Variants in ADAM32 observed in about 807,000 individuals in gnomAD.
ADAM32 encodes ADAM metallopeptidase domain 32, also known as disintegrin and metalloproteinase domain-containing protein 32.
In ADAM32, 89 loss-of-function variants were observed where a neutral mutation model predicts 114.9. The observed-to-expected ratio is 0.77, with a 90% CI of 0.65 to 0.92. The LOEUF (loss-of-function observed/expected upper bound fraction) is 0.92, where lower values mean the gene tolerates loss of function less well. ADAM32 is among the 40% of genes least tolerant of loss of function. The pLI is 0.00. For missense variants in ADAM32, 870 were observed against 932.8 expected (o/e 0.93, Z 0.88); for synonymous variants, 285 against 307.5 (o/e 0.93, Z 0.77).
intron 11 of ADAM32, among the ~76,000 whole-genome samples, chr8:39,190,637 A>G (rs574369064): frequency 6.2e-4 from 95 of 152,314 alleles, no homozygotes; most frequent in African/African-American, 2.0e-3. Flanking sequence ...AAAATTTCCA[A>G]TGATTACTGA....
At chr8:39,269,988 CAAGAACCTCTTATA>C (rs541281448) in intron 19 of ADAM32, among the ~76,000 whole-genome samples, 2 of 152,192 alleles carry the variant, frequency 1.3e-5, no homozygotes, top group East Asian at 3.9e-4. Context: ...AGCGGAGGGG[CAAGAACCTCTTATA>C]AAACCGTCAG....
intron 9 of ADAM32, 24 bp from the exon 10 acceptor site, chr8:39,169,892 A>G: frequency 9.5e-6 from 14 of 1,467,140 alleles, no homozygotes; most frequent in Non-Finnish European, 1.3e-5. Context: ...AAAATCAATT[A>G]TAAATGTAAA....
At chr8:39,210,688 CTCTT>C (rs1808148427) in intron 11 of ADAM32, among the ~76,000 whole-genome samples, 1 of 152,126 alleles carries the variant, frequency 6.6e-6, no homozygotes, top group Non-Finnish European at 1.5e-5. Flanking sequence ...TCAATGAATT[CTCTT>C]TATTATTGGT....
intron 10 of ADAM32, among the ~76,000 whole-genome samples, chr8:39,171,701 T>C (rs1223006207): frequency 2.6e-5 from 4 of 152,026 alleles, no homozygotes; most frequent in Non-Finnish European, 4.4e-5. Context: ...TTTAAAAATA[T>C]ATATGCCCTT....
chr8:39,145,187 C>T lies in ADAM32; in HGVS notation c.201-1943C>T, dbSNP rs576854986. On this transcript the variant is annotated intron_variant, in intron 3 of 24. Transcript: ENST00000379907. ...GGAAGACACAAATATATGGAAAGAACATGGATTGGAAGAGTTAATATTGTT... is the reference window on the plus strand; with the variant it reads ...GGAAGACACAAATATATGGAAAGAATATGGATTGGAAGAGTTAATATTGTT... 3.4e-4 allele frequency among the ~76,000 whole-genome samples: 52 copies of T among 152,188 alleles called. 1 individual carries two copies. In the South Asian group the frequency reaches 0.011, roughly 31 times the overall value.
At chr8:39,219,465 G>C (rs941573300) in intron 12 of ADAM32, among the ~76,000 whole-genome samples, 2 of 152,166 alleles carry the variant, frequency 1.3e-5, no homozygotes, top group African/African-American at 4.8e-5. Flanking sequence ...TCTGGCTAGG[G>C]CTGGTTTATA....
intron 17 of ADAM32, among the ~76,000 whole-genome samples, chr8:39,246,870 A>G (rs993664028): frequency 3.3e-5 from 5 of 152,174 alleles, no homozygotes; most frequent in African/African-American, 9.7e-5. Context: ...TTCTGTCTCC[A>G]CTAACCCTTG....
At chr8:39,125,267 A>T (rs1171349984) in intron 2 of ADAM32, among the ~76,000 whole-genome samples, 3 of 152,028 alleles carry the variant, frequency 2.0e-5, no homozygotes, top group Non-Finnish European at 4.4e-5. Flanking sequence ...AGATCTTAAG[A>T]TCTAACGGAA....
chr8:39,227,872 C>T (rs1025245623), intron 14 of ADAM32, among the ~76,000 whole-genome samples: 2 of 152,186 alleles, frequency 1.3e-5, no homozygotes, highest in Non-Finnish European at 2.9e-5. Context: ...GGAGGCCAAC[C>T]AGCACAAAAA....
chr8:39,133,554 T>C (rs1802591986), intron 2 of ADAM32, among the ~76,000 whole-genome samples: 1 of 152,130 alleles, frequency 6.6e-6, no homozygotes, highest in Non-Finnish European at 1.5e-5. Context: ...ACACCAGCAG[T>C]GGCAGTAGCA....
Position 39,169,911 on chromosome 8 carries a change from T to C in ADAM32, c.834-5T>C. Reference sequence around the variant, plus strand: ...TCAATTATAAATGTAAATTTATTTATTTAGTTATATGGATTATCCTCGTTA... The same window carrying C: ...TCAATTATAAATGTAAATTTATTTACTTAGTTATATGGATTATCCTCGTTA... On this transcript the variant is annotated splice_polypyrimidine_tract_variant and splice_region_variant and intron_variant, in intron 9 of 24. Coordinates refer to ENST00000379907, the MANE Select transcript of ADAM32 (RefSeq NM_145004.7). The C allele has an allele frequency of 6.5e-7, 1 of 1,539,174 alleles. No homozygotes were observed. Among genetic ancestry groups the C allele is most frequent in the South Asian group, 1.2e-5 (1 of 82,012 alleles).
intron 14 of ADAM32, among the ~76,000 whole-genome samples, chr8:39,231,653 A>G (rs1809742032): frequency 6.6e-6 from 1 of 152,220 alleles, no homozygotes; most frequent in Admixed American, 6.5e-5. Context: ...CTCATTGAAG[A>G]AATTTTCTTG....
At chr8:39,115,848 T>G (rs923197665) in intron 1 of ADAM32, among the ~76,000 whole-genome samples, 1 of 152,178 alleles carries the variant, frequency 6.6e-6, no homozygotes, top group Admixed American at 6.5e-5. Flanking sequence ...ATGTCCTGGG[T>G]TTTCTTCTAA....
intron 10 of ADAM32, among the ~76,000 whole-genome samples, chr8:39,171,114 T>C (rs901162767): frequency 2.0e-5 from 3 of 152,030 alleles, no homozygotes; most frequent in Non-Finnish European, 4.4e-5. Context: ...TTTTGTATTT[T>C]TAGTAAAGAA....
intron 2 of ADAM32, among the ~76,000 whole-genome samples, chr8:39,124,226 C>T (rs567870236): frequency 1.3e-5 from 2 of 152,070 alleles, no homozygotes; most frequent in South Asian, 4.2e-4. Flanking sequence ...CACTATGCGT[C>T]CATATGTTCT....
At chr8:39,181,912 A>G (rs577276759) in intron 10 of ADAM32, among the ~76,000 whole-genome samples, 1 of 152,236 alleles carries the variant, frequency 6.6e-6, no homozygotes, top group African/African-American at 2.4e-5. Flanking sequence ...AGTGTGAAAC[A>G]TAAGAATGAG....
At chr8:39,157,676 T>G (rs1804225133) in intron 6 of ADAM32, 1 of 780,302 alleles carries the variant, frequency 1.3e-6, no homozygotes, top group Non-Finnish European at 2.2e-6. Flanking sequence ...CAGAGCCTGC[T>G]GCTTGGTCTG....
At chr8:39,153,827 A>T (rs1803985025) in intron 6 of ADAM32, among the ~76,000 whole-genome samples, 1 of 152,180 alleles carries the variant, frequency 6.6e-6, no homozygotes, top group South Asian at 2.1e-4. Flanking sequence ...AAGTTTTCAC[A>T]TACTTATTTT....
chr8:39,150,334 CAG>C (rs945000204), intron 5 of ADAM32, among the ~76,000 whole-genome samples: 9 of 152,042 alleles, frequency 5.9e-5, no homozygotes, highest in Non-Finnish European at 1.3e-4. Flanking sequence ...TTTATCTTCT[CAG>C]AGTCATCTCT....
Sources: allele counts gnomAD v4.1 joint callset (sites outside exome capture counted in the v4.1 genomes callset), GRCh38; gene constraint gnomAD v4.1.1; transcripts MANE v1.5; gene names NCBI Gene and HGNC (gene_info 2026-07-23, HGNC 2026-07-21).